Variants in COL6A3 observed in about 807,000 individuals in gnomAD.
COL6A3 encodes collagen alpha-3(VI) chain.
A neutral mutation model predicts 274.1 loss-of-function variants in COL6A3; 137 were observed. The observed-to-expected ratio is 0.50, with a 90% CI of 0.44 to 0.58. COL6A3 has a LOEUF of 0.58. COL6A3 is among the 20% of genes least tolerant of loss of function. The probability of loss-of-function intolerance (pLI) is 0.00; values close to 1 mark genes in which losing one functional copy is unlikely to be tolerated. For missense variants in COL6A3, 3,950 were observed against 4,124.9 expected, an observed-to-expected ratio of 0.96 and a Z score of 1.16; for synonymous variants, 1,650 against 1,650.6, an observed-to-expected ratio of 1.00 and a Z score of 0.01.
chr2:237,357,522 C>A, intron 22 of COL6A3, 131 bp from the exon 23 acceptor site: 1 of 914,406 alleles, frequency 1.1e-6, no homozygotes, highest in Non-Finnish European at 1.8e-6. Flanking sequence ...GACAGTTGCA[C>A]ACTTTGCAGG....
rs1356105105 is a variant in COL6A3, at chr2:237,396,896, T to C, written c.-30-49A>G. On this transcript the variant is annotated intron_variant, in intron 1 of 43. Transcript: ENST00000295550. Reference sequence around the variant, plus strand: ...GGAATGATCAGTTTTTGACTCTCATTATGCAAAATCTCTCAAAATCCCATG... The same window carrying C: ...GGAATGATCAGTTTTTGACTCTCATCATGCAAAATCTCTCAAAATCCCATG... 8 of 1,321,150 alleles carry C rather than the reference T, an allele frequency of 6.1e-6. No individual in the cohort carries two copies. The African/African-American group carries it at 7.2e-5, about 12-fold the overall frequency. The allele number at this position is 1,321,150 out of a possible 1,614,324, so 81.8% of individuals were successfully genotyped here.
Position 237,364,268 on chromosome 2 carries a change from C to T in COL6A3, c.5917+82G>A. Reference sequence around the variant, plus strand: ...CTGCTCCCTTGGGGCGCTGCATTAGCAGAGAGGTTTCTCTCCAGCAGAGCA... The same window carrying T: ...CTGCTCCCTTGGGGCGCTGCATTAGTAGAGAGGTTTCTCTCCAGCAGAGCA... On this transcript the variant is annotated intron_variant, in intron 13 of 43. Coordinates refer to ENST00000295550, the MANE Select transcript of COL6A3 (RefSeq NM_004369.4). The surrounding 1 kb of genome is among the most constrained non-coding windows in gnomAD (Gnocchi z 4.6). 5 of 1,102,378 alleles carry T rather than the reference C, an allele frequency of 4.5e-6. No individual in the cohort carries two copies. The highest frequency in any genetic ancestry group is 1.5e-5 in the African/African-American group (1 of 65,402). The allele number at this position is 1,102,378 out of a possible 1,614,324, so 68.3% of individuals were successfully genotyped here.
Position 237,394,583 on chromosome 2 carries a change from T to C in COL6A3, c.709+4A>G, listed in dbSNP as rs1458579992. The C allele has an allele frequency of 5.6e-6, 9 of 1,613,830 alleles. No individual in the cohort carries two copies. Among genetic ancestry groups the C allele is most frequent in the Admixed American group, 1.7e-5 (1 of 59,998 alleles). On this transcript the variant is annotated splice_donor_region_variant and intron_variant, in intron 3 of 43. Transcript: ENST00000295550. ...AGGGCGTAGCTTGGTGGCGTTGCCA[T>C]TACCTGTGATGTCTTTAAGGGTTTC...
chr2:237,374,753 T>C lies in COL6A3; in HGVS notation c.3338A>G (p.Glu1113Gly). The C allele has an allele frequency of 6.2e-7, 1 of 1,613,854 alleles. No individual in the cohort carries two copies. Among genetic ancestry groups the C allele is most frequent in the Non-Finnish European group, 8.5e-7 (1 of 1,179,902 alleles). The change falls in exon 8 of 44, where the codon GAG becomes GGG. Residue 1113 changes from glutamate (E) to glycine (G), a missense_variant. Physicochemically the swap from Glu to Gly is moderately conservative, Grantham distance 98. Coordinates refer to ENST00000295550, the MANE Select transcript of COL6A3 (RefSeq NM_004369.4). The surrounding 1 kb of genome is among the most constrained non-coding windows in gnomAD (Gnocchi z 4.8). ...GACCAGGATGTTCCTCAGGACAAAC[T>C]CCAGGGCGGCCCCGGTGTTGGGGGT... ...GPTPNTGAAL[E>G]FVLRNILVSS...
chr2:237,327,212 C>T (rs1486185912), intron 42 of COL6A3: 2 of 152,226 alleles, frequency 1.3e-5, no homozygotes, highest in African/African-American at 4.8e-5. Flanking sequence ...TGGTGGCTTC[C>T]CTGTTAGCGT....
rs114286751 is a variant in COL6A3, at chr2:237,390,186, C to T, written c.710-2002G>A. ...AAGCTTTTAAAAATGATCCCTAAGTCGCAGGATAACACTATTTCTTCTCCA... is the reference window on the plus strand; with the variant it reads ...AAGCTTTTAAAAATGATCCCTAAGTTGCAGGATAACACTATTTCTTCTCCA... On this transcript the variant is annotated intron_variant, in intron 3 of 43. Transcript: ENST00000295550. Among the ~76,000 whole-genome samples, 1,246 of 152,244 alleles carry T rather than the reference C, an allele frequency of 8.2e-3. 18 individuals carry two copies. Among genetic ancestry groups the T allele is most frequent in the African/African-American group, 0.029 (1,196 of 41,530 alleles).
chr2:237,352,307 G>A (rs2077223508), intron 26 of COL6A3, among the ~76,000 whole-genome samples: 1 of 152,164 alleles, frequency 6.6e-6, no homozygotes. Flanking sequence ...AGACTTAGAG[G>A]CCCATGGAGC....
At chr2:237,369,925 C>T (rs1159561311) in intron 9 of COL6A3, among the ~76,000 whole-genome samples, 1 of 151,704 alleles carries the variant, frequency 6.6e-6, no homozygotes, top group African/African-American at 2.4e-5. Context: ...GCAGCCTTGA[C>T]CTCCCAGGCT....
At position 237,394,935 on chromosome 2, in the gene COL6A3, C is replaced by T; in HGVS notation, c.361G>A (p.Gly121Arg). The change falls in exon 3 of 44, where the codon GGA becomes AGA. Residue 121 changes from glycine (G) to arginine (R), a missense_variant. By Grantham distance (125) the Gly-to-Arg change is moderately radical (BLOSUM62 -2). Coordinates refer to ENST00000295550, the MANE Select transcript of COL6A3 (RefSeq NM_004369.4). ...TGGCTTTGCATTATGTATTCTAATC[C>T]TTTTCCAGTCTGATTGGTTCCCCCA... ...YIGGTNQTGKGLEYIMQSHLT... is the reference protein window; with the variant it reads ...YIGGTNQTGKRLEYIMQSHLT... 6.2e-7 allele frequency: 1 copy of T among 1,613,932 alleles called. No homozygotes were observed. The highest frequency in any genetic ancestry group is 8.5e-7 in the Non-Finnish European group (1 of 1,179,910).
rs543253703 is a variant in COL6A3, at chr2:237,376,963, G to C, written c.2879C>G (p.Ala960Gly). The change falls in exon 7 of 44, where the codon GCA becomes GGA. Residue 960 changes from alanine to glycine, a missense_variant. Transcript: ENST00000295550. ...GRSSDRVDGP[A>G]SNLKQSGVVP... ...AACCCCACTCTGCTTCAGGTTACTTGCTGGCCCATCCACACGGTCAGATGA... is the reference window on the plus strand; with the variant it reads ...AACCCCACTCTGCTTCAGGTTACTTCCTGGCCCATCCACACGGTCAGATGA... 7.0e-5 allele frequency: 113 copies of C among 1,614,224 alleles called. 1 individual carries two copies. In the South Asian group the frequency reaches 1.2e-3, roughly 17 times the overall value.
At chr2:237,392,457 T>C (rs1034962786) in intron 3 of COL6A3, among the ~76,000 whole-genome samples, 1 of 152,172 alleles carries the variant, frequency 6.6e-6, no homozygotes, top group African/African-American at 2.4e-5. Context: ...AAGCCTCAAC[T>C]CTCTTTTTCC....
At chr2:237,342,315 T>G in intron 36 of COL6A3, 154 bp from the exon 37 acceptor site, 19 of 695,562 alleles carry the variant, frequency 2.7e-5, no homozygotes, top group East Asian at 5.4e-5. Context: ...GGGGTGGGGT[T>G]AGGCTCTGAG....
chr2:237,388,830 A>G (rs1020012892), intron 3 of COL6A3, among the ~76,000 whole-genome samples: 3 of 152,350 alleles, frequency 2.0e-5, no homozygotes, highest in Non-Finnish European at 4.4e-5. Flanking sequence ...CATGTAAAAA[A>G]TACTTTGATG....
chr2:237,410,210 G>A (rs189342989), intron 1 of COL6A3, among the ~76,000 whole-genome samples: 6 of 151,810 alleles, frequency 4.0e-5, no homozygotes, highest in East Asian at 1.9e-4. Context: ...TCTGAAGCTC[G>A]CAGAGATACA....
At position 237,334,622 on chromosome 2, in the gene COL6A3, T is replaced by G. The variant is rs749872311; in HGVS notation, c.9229+4A>C. 3.1e-6 allele frequency: 5 copies of G among 1,613,074 alleles called. No homozygotes were observed. Among genetic ancestry groups the G allele is most frequent in the Non-Finnish European group, 3.4e-6 (4 of 1,179,984 alleles). ...GTACCGACTTGTACTGATCATGTAC[T>G]TACTTGTACTGAAACTTCCGTGGTA... is the stretch of plus-strand genomic sequence containing the variant. On this transcript the variant is annotated splice_donor_region_variant and intron_variant, in intron 41 of 43. Coordinates refer to ENST00000295550, the MANE Select transcript of COL6A3 (RefSeq NM_004369.4).
At position 237,348,730 on chromosome 2, in the gene COL6A3, C is replaced by T. The variant is rs561869758; in HGVS notation, c.6880-67G>A. The T allele has an allele frequency of 1.2e-4, 162 of 1,403,118 alleles. 1 individual carries two copies. In the South Asian group the frequency reaches 1.8e-3, roughly 16 times the overall value. The allele number at this position is 1,403,118 out of a possible 1,614,324, so 86.9% of individuals were successfully genotyped here. On this transcript the variant is annotated intron_variant, in intron 28 of 43. Coordinates refer to ENST00000295550, the MANE Select transcript of COL6A3 (RefSeq NM_004369.4). Reference sequence around the variant, plus strand: ...GGCACACCATAACCACCGTCTCTGCCCTGCCGCTGCCCCTGAGAAGTGGAT... The same window carrying T: ...GGCACACCATAACCACCGTCTCTGCTCTGCCGCTGCCCCTGAGAAGTGGAT...
chr2:237,333,591 C>T, intron 41 of COL6A3, 43 bp from the exon 42 acceptor site: 1 of 1,550,458 alleles, frequency 6.4e-7, no homozygotes, highest in Non-Finnish European at 8.9e-7. Context: ...AAATCAGAAA[C>T]AGGAGGGCTT....
At chr2:237,360,794 C>T (rs2077418991) in intron 16 of COL6A3, among the ~76,000 whole-genome samples, 1 of 152,162 alleles carries the variant, frequency 6.6e-6, no homozygotes, top group South Asian at 2.1e-4. Context: ...GTCCCTGCCC[C>T]TCAGCTCACT....
At position 237,413,877 on chromosome 2, in the gene COL6A3, A is replaced by G. The variant is rs1325115409; in HGVS notation, c.-31+76T>C. On this transcript the variant is annotated intron_variant, in intron 1 of 43. Coordinates refer to ENST00000295550, the MANE Select transcript of COL6A3 (RefSeq NM_004369.4). The surrounding 1 kb of genome is among the most constrained non-coding windows in gnomAD (Gnocchi z 4.0). ...AACGTAAGAGCCACTAACGCTACCT[A>G]GAAAGGATCACTTCAGGTTAAGAGC... 2 of 152,208 alleles carry G rather than the reference A, an allele frequency of 1.3e-5. No homozygotes were observed. Among genetic ancestry groups the G allele is most frequent in the Non-Finnish European group, 2.9e-5 (2 of 68,034 alleles). 9.4% of individuals were successfully genotyped at this position (152,208 alleles called of 1,614,324 possible).
Sources: gnomAD v4.1 joint callset for allele counts (sites outside exome capture counted in the v4.1 genomes callset) on GRCh38, gnomAD v4.1.1 for gene constraint, Gnocchi (gnomAD v3.1) non-coding constraint, MANE v1.5 for transcripts, NCBI Gene and HGNC (gene_info 2026-07-23, HGNC 2026-07-21) for gene names.